Variants in PKD1L1 observed in about 807,000 individuals in gnomAD.
PKD1L1 encodes the protein polycystin-1-like protein 1.
PKD1L1 carries 236 observed loss-of-function variants against 323.4 expected under a neutral mutation model. The ratio of observed to expected loss-of-function variants is 0.73; its 90% confidence interval spans 0.66 to 0.81. The LOEUF is 0.81. PKD1L1 is among the 40% of genes least tolerant of loss of function. The pLI is 0.00. For synonymous variants in PKD1L1, 1,344 were observed against 1,335.0 expected, an observed-to-expected ratio of 1.01 and a Z score of -0.15; for missense variants, 3,320 against 3,508.0, an observed-to-expected ratio of 0.95 and a Z score of 1.35.
chr7:47,861,226 T>C (rs1786015981), intron 26 of PKD1L1, among the ~76,000 whole-genome samples: 1 of 152,240 alleles, frequency 6.6e-6, no homozygotes, highest in African/African-American at 2.4e-5. Context: ...TAATACAGTT[T>C]GTATCTTAAG....
intron 21 of PKD1L1, among the ~76,000 whole-genome samples, chr7:47,878,825 A>G (rs1786466367): frequency 6.6e-6 from 1 of 152,188 alleles, no homozygotes; most frequent in Non-Finnish European, 1.5e-5. Context: ...GAGGGTGTGC[A>G]AGGCTGCGGG....
intron 40 of PKD1L1, among the ~76,000 whole-genome samples, chr7:47,833,710 G>GT (rs1225377243): frequency 6.6e-6 from 1 of 152,180 alleles, no homozygotes; most frequent in African/African-American, 2.4e-5. Flanking sequence ...CCGCCAGAGA[G>GT]TTAGAGCCTG....
chr7:47,924,011 A>G (rs936950942), intron 7 of PKD1L1, among the ~76,000 whole-genome samples: 4 of 152,110 alleles, frequency 2.6e-5, no homozygotes, highest in African/African-American at 7.2e-5. Flanking sequence ...TAAATTATAT[A>G]TGTCAAAAAT....
chr7:47,832,589 C>G (rs1045821239), intron 41 of PKD1L1, among the ~76,000 whole-genome samples: 16 of 152,176 alleles, frequency 1.1e-4, no homozygotes, highest in African/African-American at 3.9e-4. Context: ...CCATGTGGCT[C>G]TAGGATCCCA....
At chr7:47,877,400 T>C in intron 22 of PKD1L1, 89 bp downstream of exon 22, 1 of 1,530,638 alleles carries the variant, frequency 6.5e-7, no homozygotes, top group Non-Finnish European at 8.9e-7. Flanking sequence ...AGGACATTGC[T>C]GTCCATTCCT....
In PKD1L1 at chr7:47,932,905, C is replaced by T. The variant is rs1299142121; in HGVS notation, c.399-849G>A. Among the ~76,000 whole-genome samples the T allele has an allele frequency of 3.9e-5, 6 of 152,274 alleles. No homozygotes were observed. In the East Asian group the frequency reaches 7.7e-4, roughly 20 times the overall value. On this transcript the variant is annotated intron_variant, in intron 4 of 56. Transcript: ENST00000289672. Reference sequence around the variant, plus strand: ...CTCTGCAGAAGAGGTGGTGGAGGCACGTTGGAGGACACAGGCCCAGGGTCA... The same window carrying T: ...CTCTGCAGAAGAGGTGGTGGAGGCATGTTGGAGGACACAGGCCCAGGGTCA...
chr7:47,912,133 A>G (rs1284552710), intron 8 of PKD1L1, among the ~76,000 whole-genome samples: 2 of 152,152 alleles, frequency 1.3e-5, no homozygotes, highest in Non-Finnish European at 2.9e-5. Flanking sequence ...AGGACTGAAC[A>G]ACTTGAGGAA....
intron 8 of PKD1L1, among the ~76,000 whole-genome samples, chr7:47,913,694 G>A (rs1787371398): frequency 6.6e-6 from 1 of 152,206 alleles, no homozygotes; most frequent in South Asian, 2.1e-4. Context: ...CCCGGAAGCT[G>A]AGCAGATGCC....
At position 47,839,463 on chromosome 7, in the gene PKD1L1, C is replaced by A; in HGVS notation, c.5752G>T (p.Gly1918Ter). 1 of 1,610,456 alleles carries A rather than the reference C, an allele frequency of 6.2e-7. No individual in the cohort carries two copies. The highest frequency in any genetic ancestry group is 1.1e-5 in the South Asian group (1 of 90,308). The change falls in exon 36 of 57, where the codon GGA becomes TGA. Residue 1918 changes from glycine to a stop codon, truncating the protein, a stop_gained. Coordinates refer to ENST00000289672, the MANE Select transcript of PKD1L1 (RefSeq NM_138295.5). LOFTEE classifies it high-confidence loss of function. The surrounding 1 kb of genome is among the most constrained non-coding windows in gnomAD (Gnocchi z 4.3). ...GAGCCTACCTTCCGGAAGCCGAGTC[C>A]CCCTTGCAGACAGGTGAGCTCCCGC... The part of the protein sequence containing the change: ...VERELTCLQG[G>*]LGFRKLFYCK...
rs1261977300 is a variant in PKD1L1 at position 47,775,142 on chromosome 7, C to T, written c.*1G>A. 1.2e-6 allele frequency: 2 copies of T among 1,614,008 alleles called. No individual in the cohort carries two copies. ...AGTGCCTATGCAAGGTACCAGGCTC[C>T]TCAGAAGTCCTTGATGTCTGCTGGC... On this transcript the variant is annotated 3_prime_UTR_variant, in exon 57 of 57. Coordinates refer to ENST00000289672, the MANE Select transcript of PKD1L1 (RefSeq NM_138295.5).
chr7:47,899,215 G>A (rs538801809), intron 13 of PKD1L1, among the ~76,000 whole-genome samples: 1 of 152,294 alleles, frequency 6.6e-6, no homozygotes, highest in Non-Finnish European at 1.5e-5. Flanking sequence ...GGGGCCTGGG[G>A]CACTCTCCTT....
rs1186998297 is a variant in PKD1L1, at chr7:47,946,186, G to A, written c.44+2211C>T. ...GTCGGGGAACAGGATGATACTGATG[G>A]CTCAAACACAGTCTCTGAGGCATCA... On this transcript the variant is annotated intron_variant, in intron 1 of 56. Coordinates refer to ENST00000289672, the MANE Select transcript of PKD1L1 (RefSeq NM_138295.5). The surrounding 1 kb of genome is among the most constrained non-coding windows in gnomAD (Gnocchi z 4.1). Among the ~76,000 whole-genome samples the A allele has an allele frequency of 6.6e-6, 1 of 152,066 alleles. No individual in the cohort carries two copies. Among genetic ancestry groups the A allele is most frequent in the Non-Finnish European group, 1.5e-5 (1 of 68,024 alleles).
chr7:47,885,664 A>G (rs2128747707), intron 18 of PKD1L1, 22 bp downstream of exon 18: 1 of 1,594,646 alleles, frequency 6.3e-7, no homozygotes, highest in Middle Eastern at 1.9e-4. Context: ...GAGGGATGAC[A>G]TGCAGGAACA....
chr7:47,851,712 G>A (rs1300003790), intron 31 of PKD1L1, among the ~76,000 whole-genome samples: 3 of 152,082 alleles, frequency 2.0e-5, no homozygotes, highest in South Asian at 2.1e-4. Flanking sequence ...TAGCACCATC[G>A]CCTATGGAAT....
At chr7:47,895,219 T>C (rs74807583) in intron 14 of PKD1L1, among the ~76,000 whole-genome samples, 4,030 of 152,240 alleles carry the variant, frequency 0.026, 165 homozygotes, top group African/African-American at 0.092. Flanking sequence ...AGTTACCTTA[T>C]CTGTCAGAAG....
chr7:47,883,565 T>C (rs1454182934), intron 19 of PKD1L1, among the ~76,000 whole-genome samples: 1 of 152,184 alleles, frequency 6.6e-6, no homozygotes, highest in Non-Finnish European at 1.5e-5. Flanking sequence ...CTGCCATGCC[T>C]CTTGTCTCTA....
chr7:47,868,507 T>C (rs1014791706), intron 24 of PKD1L1, among the ~76,000 whole-genome samples: 2 of 152,130 alleles, frequency 1.3e-5, no homozygotes, highest in African/African-American at 4.8e-5. Flanking sequence ...CAAACAAAAA[T>C]ACTAAATAAG....
chr7:47,917,113 AG>A (rs1389368706), intron 7 of PKD1L1, among the ~76,000 whole-genome samples: 1 of 152,208 alleles, frequency 6.6e-6, no homozygotes, highest in Non-Finnish European at 1.5e-5. Context: ...TCAAGGAAAC[AG>A]ATAGCATAAA....
intron 49 of PKD1L1, among the ~76,000 whole-genome samples, chr7:47,812,255 C>A (rs1353954129): frequency 3.9e-5 from 6 of 152,058 alleles, no homozygotes; most frequent in Non-Finnish European, 1.5e-5. Context: ...TCTCTCCTTG[C>A]CCCACCCTCT....
Sources: gnomAD v4.1 joint callset for allele counts (sites outside exome capture counted in the v4.1 genomes callset) on GRCh38, gnomAD v4.1.1 for gene constraint, Gnocchi (gnomAD v3.1) non-coding constraint, MANE v1.5 for transcripts, NCBI Gene and HGNC (gene_info 2026-07-23, HGNC 2026-07-21) for gene names.